Variants in CRISPLD2 observed in about 807,000 individuals in gnomAD.
The protein encoded by CRISPLD2 is cysteine-rich secretory protein LCCL domain-containing 2.
In CRISPLD2, 47 loss-of-function variants were observed where a neutral mutation model predicts 71.1. The ratio of observed to expected loss-of-function variants is 0.66; its 90% CI spans 0.52 to 0.84. The LOEUF (loss-of-function observed/expected upper bound fraction) is 0.84, where lower values mean the gene tolerates loss of function less well. Ranked by LOEUF, CRISPLD2 falls within the 40% of genes least tolerant of loss-of-function variation. The probability of loss-of-function intolerance (pLI) is 0.00; values close to 1 mark genes in which losing one functional copy is unlikely to be tolerated. For synonymous variants in CRISPLD2, 317 were observed against 250.1 expected (o/e 1.27, Z -2.52); for missense variants, 830 against 651.1 (o/e 1.27, Z -2.99).
intron 4 of CRISPLD2, among the ~76,000 whole-genome samples, chr16:84,849,871 C>T (rs956232227): frequency 1.3e-5 from 2 of 148,308 alleles, no homozygotes; most frequent in South Asian, 2.2e-4. Context: ...TTGTGCACTA[C>T]GAGGCCTGGC....
rs774416911 is a variant in CRISPLD2 at position 84,849,490 on chromosome 16, G to A, written c.465G>A (p.Ser155=). 3.1e-6 allele frequency: 5 copies of A among 1,614,104 alleles called. No individual in the cohort carries two copies. Among genetic ancestry groups the A allele is most frequent in the East Asian group, 4.5e-5 (2 of 44,878 alleles). ...ACCCCTGGTGTCCAGAGAGGTGCTC[G>A]GGGCCCATGTGCACGCACTACACAC... ...ECNPWCPERC[S]GPMCTHYTQI... The change falls in exon 4 of 15, where the codon TCG becomes TCA. Residue 155 remains serine (S), a synonymous_variant. Transcript: ENST00000262424.
chr16:84,866,059 G>C (rs1917526322), intron 6 of CRISPLD2, among the ~76,000 whole-genome samples: 1 of 152,080 alleles, frequency 6.6e-6, no homozygotes, highest in Non-Finnish European at 1.5e-5. Context: ...GAGGAGAGAA[G>C]GGATGGAAGT....
rs1313039468 is a variant in CRISPLD2 at position 84,872,506 on chromosome 16, A to G, written c.979A>G (p.Ser327Gly). 1 of 1,613,476 alleles carries G rather than the reference A, an allele frequency of 6.2e-7. No homozygotes were observed. The highest frequency in any genetic ancestry group is 8.5e-7 in the Non-Finnish European group (1 of 1,179,606). Residue 327 changes from serine (S) to glycine (G), a missense_variant and splice_region_variant, in exon 9 of 15, where the codon AGC (serine) becomes GGC (glycine). By Grantham distance (56) the Ser-to-Gly change is moderately conservative (BLOSUM62 0). Transcript: ENST00000262424. ...AKIFGTLFYE[S>G]SSSICRAAIH... ...GATCTTTGGAACTCTGTTCTATGAA[A>G]GCGTGAGTGTGGCCAGTCCTCCTCT...
At chr16:84,854,234 C>T (rs552822090) in intron 5 of CRISPLD2, among the ~76,000 whole-genome samples, 2 of 152,354 alleles carry the variant, frequency 1.3e-5, no homozygotes, top group Non-Finnish European at 1.5e-5. Flanking sequence ...CCAGCTCTTC[C>T]CTCCTGGGGT....
At chr16:84,849,792 A>C (rs1457937257) in intron 4 of CRISPLD2, among the ~76,000 whole-genome samples, 2 of 138,094 alleles carry the variant, frequency 1.4e-5, no homozygotes, top group Non-Finnish European at 3.2e-5. Flanking sequence ...TAGTTAGCTT[A>C]GTGCAGCCCC....
intron 14 of CRISPLD2, among the ~76,000 whole-genome samples, chr16:84,902,078 C>T (rs187538336): frequency 6.6e-5 from 10 of 152,062 alleles, no homozygotes; most frequent in Admixed American, 5.2e-4. Flanking sequence ...GGATGACAGG[C>T]GTGAGCCACC....
rs375824731 is a variant in CRISPLD2, at chr16:84,873,007, C to T, written c.997C>T (p.Arg333Cys). The T allele has an allele frequency of 3.7e-5, 59 of 1,612,974 alleles. No individual in the cohort carries two copies. The highest frequency in any genetic ancestry group is 1.7e-4 in the Middle Eastern group (1 of 6,004). ...TTCCCGCCAGTCGTCTAGCATATGC[C>T]GCGCCGCCATCCACTACGGGATCCT... Reference protein sequence around the residue: ...LFYESSSSICRAAIHYGILDD... With the variant: ...LFYESSSSICCAAIHYGILDD... Residue 333 changes from arginine to cysteine, a missense_variant, in exon 10 of 15, where the codon CGC becomes TGC. Arg to Cys is a radical substitution (Grantham distance 180). Transcript: ENST00000262424.
intron 8 of CRISPLD2, among the ~76,000 whole-genome samples, chr16:84,871,881 A>G (rs1358600528): frequency 9.9e-6 from 1 of 100,948 alleles, no homozygotes; most frequent in African/African-American, 3.0e-5. Context: ...AAAAAAAAAA[A>G]AAAAAAAAAA....
chr16:84,902,499 A>C (rs1456125725), intron 14 of CRISPLD2, among the ~76,000 whole-genome samples: 1 of 151,510 alleles, frequency 6.6e-6, no homozygotes, highest in Non-Finnish European at 1.5e-5. Flanking sequence ...AGTCCCAGCT[A>C]CTCGGGAGGC....
chr16:84,851,230 C>G (rs746947410), intron 5 of CRISPLD2, among the ~76,000 whole-genome samples: 1 of 152,256 alleles, frequency 6.6e-6, no homozygotes, highest in African/African-American at 2.4e-5. Context: ...AGCCTAGCTT[C>G]TCTGTTTCCC....
intron 1 of CRISPLD2, chr16:84,829,008 G>A (rs1327123268): frequency 6.6e-6 from 1 of 152,112 alleles, no homozygotes; most frequent in Admixed American, 6.5e-5. Flanking sequence ...CCAGGAGGCA[G>A]AGGTTCCAGT....
chr16:84,876,896 G>C (rs558200459), intron 11 of CRISPLD2, among the ~76,000 whole-genome samples: 139 of 152,346 alleles, frequency 9.1e-4, no homozygotes, highest in African/African-American at 3.1e-3. Flanking sequence ...CCTTACCTGT[G>C]TTGTTTAAAC....
chr16:84,891,622 T>C (rs908734502), intron 14 of CRISPLD2, among the ~76,000 whole-genome samples: 2 of 142,808 alleles, frequency 1.4e-5, no homozygotes, highest in African/African-American at 5.4e-5. Context: ...CTTTGTACCC[T>C]CTTTGAGAGA....
In CRISPLD2 at chr16:84,839,432, G is replaced by A. The variant is rs575726426; in HGVS notation, c.240+697G>A. On this transcript the variant is annotated intron_variant, in intron 2 of 14. Coordinates refer to ENST00000262424, the MANE Select transcript of CRISPLD2 (RefSeq NM_031476.4). ...CCGTGTGAGCCTCACTTTCCACTTGGAGAGTCCTTCCTCGCGTGGTTGCCA... is the reference window on the plus strand; with the variant it reads ...CCGTGTGAGCCTCACTTTCCACTTGAAGAGTCCTTCCTCGCGTGGTTGCCA... 15 of 170,414 alleles carry A rather than the reference G, an allele frequency of 8.8e-5. No individual in the cohort carries two copies. The South Asian group carries it at 2.2e-3, about 25-fold the overall frequency. The allele number at this position is 170,414 out of a possible 1,614,324, so 10.6% of individuals were successfully genotyped here. A position where few individuals can be genotyped will look rare whatever the true frequency, so the allele number is the denominator to read the frequency against.
At position 84,908,271 on chromosome 16, in the gene CRISPLD2, GAC is replaced by G. The variant is rs1430694745; in HGVS notation, c.*1630_*1631del. 1 of 152,186 alleles carries G rather than the reference GAC, an allele frequency of 6.6e-6. No individual in the cohort carries two copies. The highest frequency in any genetic ancestry group is 1.9e-4 in the East Asian group (1 of 5,196). 9.4% of individuals were successfully genotyped at this position (152,186 alleles called of 1,614,324 possible). A position where few individuals can be genotyped will look rare whatever the true frequency, so the allele number is the denominator to read the frequency against. On this transcript the variant is annotated 3_prime_UTR_variant, in exon 15 of 15. Coordinates refer to ENST00000262424, the MANE Select transcript of CRISPLD2 (RefSeq NM_031476.4). The stretch of plus-strand genomic sequence containing the variant: ...AGCTTGACTGAGCTAAAATTCACAG[GAC>G]TACGTGCTTTGTGCATTGTAGTCTA...
chr16:84,853,265 C>T (rs1277697215), intron 5 of CRISPLD2, among the ~76,000 whole-genome samples: 1 of 152,166 alleles, frequency 6.6e-6, no homozygotes, highest in Admixed American at 6.5e-5. Flanking sequence ...TCTGAGAAAC[C>T]TACTGGGCTT....
chr16:84,867,176 A>G (rs1597467178), intron 7 of CRISPLD2, 136 bp downstream of exon 7: 11 of 824,190 alleles, frequency 1.3e-5, no homozygotes, highest in Non-Finnish European at 2.1e-5. Context: ...GGCGAAGCTC[A>G]TGGAGGCACA....
chr16:84,830,032 A>G (rs1916450066), intron 1 of CRISPLD2, among the ~76,000 whole-genome samples: 1 of 152,208 alleles, frequency 6.6e-6, no homozygotes, highest in South Asian at 2.1e-4. Flanking sequence ...GCTGATAGTT[A>G]CATTTTCAGG....
rs1303825602 is a variant in CRISPLD2 at position 84,880,520 on chromosome 16, C to T, written c.1241C>T (p.Pro414Leu). ...TTCCTGTTTTTCAGAATCCATTGTC[C>T]GGCACACTGCAAAGACGAACCTTCC... ...PATHCPRIHC[P>L]AHCKDEPSYW... is the part of the protein sequence containing the mutation. Residue 414 changes from proline (P) to leucine (L), a missense_variant, in exon 13 of 15, where the codon CCG (proline) becomes CTG (leucine). Pro to Leu is a moderately conservative substitution (Grantham distance 98). Coordinates refer to ENST00000262424, the MANE Select transcript of CRISPLD2 (RefSeq NM_031476.4). 16 of 1,613,188 alleles carry T rather than the reference C, an allele frequency of 9.9e-6. No homozygotes were observed. The highest frequency in any genetic ancestry group is 6.7e-5 in the East Asian group (3 of 44,864).
Sources: allele counts gnomAD v4.1 joint callset (sites outside exome capture counted in the v4.1 genomes callset), GRCh38; gene constraint gnomAD v4.1.1; transcripts MANE v1.5; gene names NCBI Gene and HGNC (gene_info 2026-07-23, HGNC 2026-07-21).